Variants in CCDC180 observed in about 807,000 individuals in gnomAD.
CCDC180 encodes coiled-coil domain containing 180, also known as coiled-coil domain-containing protein 180.
In CCDC180, 154 loss-of-function variants were observed where a neutral mutation model predicts 209.2. The observed-to-expected ratio is 0.74, with a 90% CI of 0.65 to 0.84. The LOEUF (loss-of-function observed/expected upper bound fraction) is 0.84. Among genes scored for constraint, CCDC180 ranks in the 40% least tolerant of loss-of-function variants. CCDC180 has a pLI of 0.00. For synonymous variants in CCDC180, 778 were observed against 749.1 expected (o/e 1.04, Z -0.63); for missense variants, 1,874 against 1,997.3 (o/e 0.94, Z 1.18).
At chr9:97,320,746 G>T (rs1356322940) in intron 11 of CCDC180, among the ~76,000 whole-genome samples, 1 of 152,332 alleles carries the variant, frequency 6.6e-6, no homozygotes, top group East Asian at 1.9e-4. Context: ...AATAAGGGCA[G>T]TCAGGCTGTA....
At chr9:97,368,992 G>T (rs1026371480) in intron 31 of CCDC180, among the ~76,000 whole-genome samples, 1 of 152,040 alleles carries the variant, frequency 6.6e-6, no homozygotes, top group Admixed American at 6.6e-5. Context: ...TTGGAAACAT[G>T]AATAAGAAGC....
At position 97,377,812 on chromosome 9, in the gene CCDC180, T is replaced by C. The variant is rs1321912665; in HGVS notation, c.*918T>C. On this transcript the variant is annotated 3_prime_UTR_variant, in exon 37 of 37. Transcript: ENST00000529487. Reference sequence around the variant, plus strand: ...TGTGCTCCCCCCACCCCCACCCCAATGTGCTACCTTTCATTGCTTATTATT... The same window carrying C: ...TGTGCTCCCCCCACCCCCACCCCAACGTGCTACCTTTCATTGCTTATTATT... 2 of 110,224 alleles carry C rather than the reference T, an allele frequency of 1.8e-5. No individual in the cohort carries two copies. Among genetic ancestry groups the C allele is most frequent in the Non-Finnish European group, 3.4e-5 (2 of 58,540 alleles). 6.8% of individuals were successfully genotyped at this position (110,224 alleles called of 1,614,324 possible).
In CCDC180 at chr9:97,360,038, C is replaced by T. The variant is rs768408164; in HGVS notation, c.3420C>T (p.Ser1140=). 5 of 1,613,922 alleles carry T rather than the reference C, an allele frequency of 3.1e-6. No individual in the cohort carries two copies. Among genetic ancestry groups the T allele is most frequent in the Admixed American group, 1.7e-5 (1 of 60,014 alleles). ...SFVQTWKEKL[S]QRIQYLNCSL... is the part of the protein sequence containing the mutation. ...TCCAAACTTGGAAGGAAAAACTGAGCCAGAGGATTCAGTACCTTAACTGCA... is the reference window on the plus strand; with the variant it reads ...TCCAAACTTGGAAGGAAAAACTGAGTCAGAGGATTCAGTACCTTAACTGCA... Residue 1140 remains serine, a synonymous_variant, in exon 26 of 37, where the codon AGC becomes AGT. Coordinates refer to ENST00000529487, the MANE Select transcript of CCDC180 (RefSeq NM_020893.6).
At chr9:97,328,992 C>T (rs1488096059) in intron 16 of CCDC180, among the ~76,000 whole-genome samples, 4 of 152,316 alleles carry the variant, frequency 2.6e-5, no homozygotes, top group African/African-American at 9.6e-5. Context: ...GAGTTTGGCT[C>T]TTTTCCCGCA....
At chr9:97,315,857 G>C (rs1450576768) in intron 8 of CCDC180, among the ~76,000 whole-genome samples, 1 of 152,210 alleles carries the variant, frequency 6.6e-6, no homozygotes, top group Non-Finnish European at 1.5e-5. Context: ...GTCGTTAAAT[G>C]AAGATAATAT....
At chr9:97,353,504 C>CT (rs1243600218) in intron 22 of CCDC180, among the ~76,000 whole-genome samples, 1 of 152,016 alleles carries the variant, frequency 6.6e-6, no homozygotes, top group Non-Finnish European at 1.5e-5. Context: ...ATCTTGATTC[C>CT]TTATCAATTT....
intron 24 of CCDC180, among the ~76,000 whole-genome samples, chr9:97,355,436 A>G (rs1035688285): frequency 9.2e-5 from 14 of 152,198 alleles, no homozygotes; most frequent in African/African-American, 3.4e-4. Flanking sequence ...CATTACAGAC[A>G]TGAGCCACTG....
At chr9:97,319,262 C>T (rs1833278813) in intron 10 of CCDC180, among the ~76,000 whole-genome samples, 1 of 152,130 alleles carries the variant, frequency 6.6e-6, no homozygotes, top group Non-Finnish European at 1.5e-5. Context: ...ATGTAACAAA[C>T]CTGCACATCC....
At chr9:97,329,468 G>A (rs1467626137) in intron 16 of CCDC180, among the ~76,000 whole-genome samples, 1 of 152,200 alleles carries the variant, frequency 6.6e-6, no homozygotes, top group Non-Finnish European at 1.5e-5. Flanking sequence ...GGGGCTCTCA[G>A]GATCATGTAA....
At chr9:97,342,117 C>T (rs766868265) in intron 18 of CCDC180, among the ~76,000 whole-genome samples, 7 of 152,226 alleles carry the variant, frequency 4.6e-5, no homozygotes, top group African/African-American at 1.2e-4. Context: ...AATCCCCCGA[C>T]CCCTTGCGCT....
Position 97,349,160 on chromosome 9 carries a change from G to A in CCDC180, c.2724G>A (p.Val908=), listed in dbSNP as rs1466173969. ...QEQLDSHCAG[V]TETLKKKRLM... ...AGTTGGACAGCCACTGTGCTGGGGT[G>A]ACCGAGACGCTGAAGAAGAAGCGGC... Residue 908 remains valine, a synonymous_variant, in exon 21 of 37, where the codon GTG becomes GTA. Coordinates refer to ENST00000529487, the MANE Select transcript of CCDC180 (RefSeq NM_020893.6). 6.5e-7 allele frequency: 1 copy of A among 1,536,264 alleles called. No individual in the cohort carries two copies. Among genetic ancestry groups the A allele is most frequent in the African/African-American group, 1.4e-5 (1 of 73,168 alleles).
intron 22 of CCDC180, 152 bp from the exon 23 acceptor site, chr9:97,354,417 C>A: frequency 1.3e-6 from 1 of 750,566 alleles, no homozygotes; most frequent in Admixed American, 2.7e-5. Flanking sequence ...ATGAATCCTA[C>A]TCCTGTCCTT....
rs1826358548 is a variant in CCDC180, at chr9:97,349,294, A to G, written c.2855+3A>G. On this transcript the variant is annotated splice_donor_region_variant and intron_variant, in intron 21 of 36. Coordinates refer to ENST00000529487, the MANE Select transcript of CCDC180 (RefSeq NM_020893.6). Reference sequence around the variant, plus strand: ...TTGAATGCCACCAGGAGCCAAAAGTAAGGGGTCCTGGGAGTCTCCACCCCA... The same window carrying G: ...TTGAATGCCACCAGGAGCCAAAAGTGAGGGGTCCTGGGAGTCTCCACCCCA... 1.3e-6 allele frequency: 2 copies of G among 1,536,234 alleles called. No homozygotes were observed. Among genetic ancestry groups the G allele is most frequent in the African/African-American group, 1.4e-5 (1 of 73,134 alleles).
chr9:97,340,198 T>C (rs534505911), intron 18 of CCDC180, among the ~76,000 whole-genome samples: 1 of 152,332 alleles, frequency 6.6e-6, no homozygotes, highest in Admixed American at 6.5e-5. Flanking sequence ...TGCTTTGTTC[T>C]GTTGCTGGTG....
At chr9:97,336,691 TC>T (rs1246417965) in intron 18 of CCDC180, among the ~76,000 whole-genome samples, 1 of 152,212 alleles carries the variant, frequency 6.6e-6, no homozygotes, top group Non-Finnish European at 1.5e-5. Context: ...TTTTTCCAAT[TC>T]TGTGAAGAAA....
At chr9:97,359,773 C>T (rs927422523) in intron 25 of CCDC180, among the ~76,000 whole-genome samples, 5 of 152,060 alleles carry the variant, frequency 3.3e-5, no homozygotes, top group African/African-American at 1.2e-4. Flanking sequence ...GTGAAGGGTG[C>T]GTTGTCCTTC....
intron 18 of CCDC180, among the ~76,000 whole-genome samples, 180 bp from the exon 19 acceptor site, chr9:97,343,160 T>A (rs13286510): frequency 0.25 from 38,024 of 152,068 alleles, 5,122 homozygotes; most frequent in East Asian, 0.4. Flanking sequence ...CCCAGATTTT[T>A]GTGTAGAACT....
intron 11 of CCDC180, among the ~76,000 whole-genome samples, chr9:97,321,977 TG>T (rs1437196288): frequency 2.6e-5 from 4 of 151,950 alleles, no homozygotes; most frequent in African/African-American, 9.7e-5. Flanking sequence ...GGGCTGCATG[TG>T]GAAGTCTGGG....
At chr9:97,311,371 T>C (rs1832981754) in intron 3 of CCDC180, among the ~76,000 whole-genome samples, 1 of 152,174 alleles carries the variant, frequency 6.6e-6, no homozygotes, top group African/African-American at 2.4e-5. Flanking sequence ...CCCTGCTAGG[T>C]CTGCATGAGG....
Sources: gnomAD v4.1 joint callset for allele counts (sites outside exome capture counted in the v4.1 genomes callset) on GRCh38, gnomAD v4.1.1 for gene constraint, MANE v1.5 for transcripts, NCBI Gene and HGNC (gene_info 2026-07-23, HGNC 2026-07-21) for gene names.